Variants in CDYL2 observed in about 807,000 individuals in gnomAD.
The protein encoded by CDYL2 is chromodomain Y like 2.
A neutral mutation model predicts 49.4 loss-of-function variants in CDYL2; 23 were observed. The observed-to-expected ratio is 0.47, with a 90% CI of 0.34 to 0.66. The LOEUF (loss-of-function observed/expected upper bound fraction) is 0.66, where lower values mean the gene tolerates loss of function less well. CDYL2 is among the 30% of genes least tolerant of loss of function. The pLI, the probability that CDYL2 is intolerant of heterozygous loss-of-function variation, is 0.01. For synonymous variants in CDYL2, 360 were observed against 268.8 expected (o/e 1.34, Z -3.32); for missense variants, 678 against 656.4 (o/e 1.03, Z -0.36).
intron 1 of CDYL2, among the ~76,000 whole-genome samples, chr16:80,753,835 G>C (rs547230877): frequency 8.6e-4 from 131 of 152,082 alleles, no homozygotes; most frequent in Middle Eastern, 3.4e-3. Context: ...ACAATTAAAA[G>C]AATAAAAAAA....
intron 1 of CDYL2, among the ~76,000 whole-genome samples, chr16:80,702,565 C>T (rs1362617607): frequency 6.6e-6 from 1 of 152,110 alleles, no homozygotes; most frequent in Non-Finnish European, 1.5e-5. Flanking sequence ...TCCTGCGCAA[C>T]AGAGTGACAA....
At chr16:80,788,363 C>A (rs1907502218) in intron 1 of CDYL2, among the ~76,000 whole-genome samples, 1 of 152,204 alleles carries the variant, frequency 6.6e-6, no homozygotes, top group Non-Finnish European at 1.5e-5. Flanking sequence ...AGATGCTTTC[C>A]CATCCTGATT....
chr16:80,790,060 A>T (rs1311375641), intron 1 of CDYL2, among the ~76,000 whole-genome samples: 1 of 152,242 alleles, frequency 6.6e-6, no homozygotes, highest in Non-Finnish European at 1.5e-5. Context: ...AACAAAATAA[A>T]ATAATAGCAA....
intron 1 of CDYL2, among the ~76,000 whole-genome samples, chr16:80,782,891 C>T (rs1907319177): frequency 6.6e-6 from 1 of 152,102 alleles, no homozygotes; most frequent in Non-Finnish European, 1.5e-5. Context: ...ACAGCTAACA[C>T]CATATTCAGG....
intron 1 of CDYL2, among the ~76,000 whole-genome samples, chr16:80,779,113 G>A (rs1367624952): frequency 6.6e-6 from 1 of 151,974 alleles, no homozygotes; most frequent in African/African-American, 2.4e-5. Flanking sequence ...AAGGAAGGAA[G>A]GAGGAAGGGA....
chr16:80,746,486 A>G (rs1905935472), intron 1 of CDYL2, among the ~76,000 whole-genome samples: 2 of 152,206 alleles, frequency 1.3e-5, no homozygotes, highest in African/African-American at 4.8e-5. Flanking sequence ...TTTTCCTTGC[A>G]TCCTCTCAAG....
chr16:80,632,661 T>G (rs1597136272), intron 3 of CDYL2: 1 of 270,792 alleles, frequency 3.7e-6, no homozygotes, highest in East Asian at 7.6e-5. Context: ...GAATTATATC[T>G]GCGGCCAACA....
chr16:80,637,624 A>G (rs1907896512), intron 2 of CDYL2, among the ~76,000 whole-genome samples: 3 of 152,200 alleles, frequency 2.0e-5, no homozygotes, highest in Non-Finnish European at 4.4e-5. Flanking sequence ...ACTTTTGCAC[A>G]TACCAGCAAT....
intron 2 of CDYL2, among the ~76,000 whole-genome samples, chr16:80,648,692 A>T (rs1423980243): frequency 4.2e-5 from 6 of 142,742 alleles, no homozygotes; most frequent in South Asian, 4.7e-4. Flanking sequence ...GAAAAAAAAT[A>T]AAAAAAAAAA....
intron 1 of CDYL2, among the ~76,000 whole-genome samples, chr16:80,789,144 A>T (rs1417710453): frequency 6.6e-6 from 1 of 152,178 alleles, no homozygotes; most frequent in African/African-American, 2.4e-5. Context: ...TTGGTTGTGG[A>T]GAAAAGGGAA....
chr16:80,660,212 A>C (rs1401203677), intron 2 of CDYL2, among the ~76,000 whole-genome samples: 1 of 152,142 alleles, frequency 6.6e-6, no homozygotes, highest in Non-Finnish European at 1.5e-5. Context: ...AATTTAATTC[A>C]GAGGAAGACA....
chr16:80,707,633 C>A (rs1163647247), intron 1 of CDYL2, among the ~76,000 whole-genome samples: 1 of 152,102 alleles, frequency 6.6e-6, no homozygotes, highest in Non-Finnish European at 1.5e-5. Flanking sequence ...TCACCAAACT[C>A]CAGATGCTTT....
intron 3 of CDYL2, 117 bp downstream of exon 3, chr16:80,632,902 G>T: frequency 2.1e-6 from 2 of 958,730 alleles, no homozygotes; most frequent in Non-Finnish European, 3.2e-6. Flanking sequence ...AAGTTTTTAT[G>T]CACGCTAGTT....
chr16:80,697,029 A>G (rs545569581), intron 1 of CDYL2, among the ~76,000 whole-genome samples: 9 of 152,322 alleles, frequency 5.9e-5, no homozygotes, highest in African/African-American at 2.2e-4. Context: ...TAAGTAAAGT[A>G]AAATGATAAA....
intron 5 of CDYL2, among the ~76,000 whole-genome samples, chr16:80,611,393 A>T (rs926105530): frequency 2.0e-5 from 3 of 152,184 alleles, no homozygotes; most frequent in Non-Finnish European, 2.9e-5. Context: ...GGATTAGCCC[A>T]TCAGAGCTGA....
chr16:80,641,230 A>G lies in CDYL2; in HGVS notation c.617-7994T>C, dbSNP rs944416819. The stretch of plus-strand genomic sequence containing the variant: ...GCAAGAAAAAAGAAACAAATAGCAC[A>G]CAATGTAGGAGCTTTAATACATATG... On this transcript the variant is annotated intron_variant, in intron 2 of 6. Transcript: ENST00000570137. Among the ~76,000 whole-genome samples the G allele has an allele frequency of 3.3e-5, 5 of 152,216 alleles. No homozygotes were observed. The East Asian group carries it at 9.6e-4, about 29-fold the overall frequency.
chr16:80,719,904 C>T (rs1904941706), intron 1 of CDYL2, among the ~76,000 whole-genome samples: 1 of 152,188 alleles, frequency 6.6e-6, no homozygotes, highest in Non-Finnish European at 1.5e-5. Flanking sequence ...CCTGGCCCTC[C>T]CCTGGCATAG....
chr16:80,788,351 A>C (rs1850786215), intron 1 of CDYL2, among the ~76,000 whole-genome samples: 1 of 152,228 alleles, frequency 6.6e-6, no homozygotes, highest in South Asian at 2.1e-4. Context: ...TCAGATTCAA[A>C]GAGATGCTTT....
At chr16:80,739,349 A>T (rs372248344) in intron 1 of CDYL2, among the ~76,000 whole-genome samples, 1 of 152,228 alleles carries the variant, frequency 6.6e-6, no homozygotes, top group Non-Finnish European at 1.5e-5. Context: ...CTGCACATCA[A>T]TGTAAATGTA....
Sources: gnomAD v4.1 joint callset for allele counts (sites outside exome capture counted in the v4.1 genomes callset) on GRCh38, gnomAD v4.1.1 for gene constraint, MANE v1.5 for transcripts, NCBI Gene and HGNC (gene_info 2026-07-23, HGNC 2026-07-21) for gene names.